IKBKB: variants seen among roughly 807,000 people sequenced by gnomAD.
IKBKB encodes the protein inhibitor of nuclear factor kappa B kinase subunit beta.
IKBKB carries 42 observed loss-of-function variants against 113.6 expected under a neutral mutation model. That is an observed-to-expected ratio of 0.37 (90% CI 0.29 to 0.48). IKBKB has a LOEUF of 0.48. Ranked by LOEUF, IKBKB falls within the 20% of genes least tolerant of loss-of-function variation. The pLI is 0.99. For synonymous variants in IKBKB, 296 were observed against 361.3 expected (o/e 0.82, Z 2.05); for missense variants, 673 against 939.7 (o/e 0.72, Z 3.71).
In IKBKB at chr8:42,316,919, C is replaced by T. The variant is rs1367693413; in HGVS notation, c.1125+15C>T. ...CAGACGGCAAGGTGAGCCCTGGCTT[C>T]GTACACACCATCCTGTTTACCTTGG... is the stretch of plus-strand genomic sequence containing the variant. On this transcript the variant is annotated intron_variant, in intron 11 of 21. Transcript: ENST00000520810. The surrounding 1 kb of genome is among the most constrained non-coding windows in gnomAD (Gnocchi z 4.5). 4.3e-6 allele frequency: 7 copies of T among 1,611,412 alleles called. No individual in the cohort carries two copies. The highest frequency in any genetic ancestry group is 1.7e-5 in the Admixed American group (1 of 59,882).
At chr8:42,295,242 C>T (rs1227452763) in intron 5 of IKBKB, among the ~76,000 whole-genome samples, 1 of 150,490 alleles carries the variant, frequency 6.6e-6, no homozygotes, top group Non-Finnish European at 1.5e-5. Flanking sequence ...CATGAGCCTC[C>T]TGAGTAGCTG....
intron 5 of IKBKB, among the ~76,000 whole-genome samples, chr8:42,303,120 T>TGA (rs1021302959): frequency 0.015 from 936 of 63,748 alleles, 5 homozygotes; most frequent in Non-Finnish European, 0.021. Flanking sequence ...AGAGAGAGAA[T>TGA]GAGAGAGAGA....
chr8:42,303,054 CGA>C (rs1203789519), intron 5 of IKBKB, among the ~76,000 whole-genome samples: 2 of 116,232 alleles, frequency 1.7e-5, no homozygotes, highest in Non-Finnish European at 3.4e-5. Flanking sequence ...CCCGGCTTGC[CGA>C]GAGGGAGAGA....
chr8:42,322,011 T>A, intron 17 of IKBKB, 43 bp from the exon 18 acceptor site: 5 of 1,607,580 alleles, frequency 3.1e-6, no homozygotes, highest in Non-Finnish European at 3.4e-6. Context: ...CACTACTCTC[T>A]GCTGGCTTCC....
rs112934197 is a variant in IKBKB at position 42,297,010 on chromosome 8, C to G, written c.388+3498C>G. ...TTTGGCCTCTCCTTTTGGAAACCTT[C>G]AGTGCCTTCTTTAGGGCATGACCTG... On this transcript the variant is annotated intron_variant, in intron 5 of 21. Transcript: ENST00000520810. 2.4e-3 allele frequency among the ~76,000 whole-genome samples: 361 copies of G among 152,332 alleles called. 5 individuals carry two copies. The Middle Eastern group carries it at 0.024, about 10-fold the overall frequency.
Position 42,316,589 on chromosome 8 carries a change from G to A in IKBKB, c.931-121G>A. 1 of 1,017,786 alleles carries A rather than the reference G, an allele frequency of 9.8e-7. No homozygotes were observed. Among genetic ancestry groups the A allele is most frequent in the East Asian group, 2.6e-5 (1 of 38,428 alleles). 63.0% of individuals were successfully genotyped at this position (1,017,786 alleles called of 1,614,324 possible). On this transcript the variant is annotated intron_variant, in intron 10 of 21. Transcript: ENST00000520810. The surrounding 1 kb of genome is among the most constrained non-coding windows in gnomAD (Gnocchi z 4.5). ...ATGGCACATGACCTCCCTCCCTCAA[G>A]CTAGGCCCTTGCTTTGTGTGGTTGG...
At chr8:42,293,700 A>G in intron 5 of IKBKB, 188 bp downstream of exon 5, 1 of 818,570 alleles carries the variant, frequency 1.2e-6, no homozygotes, top group Non-Finnish European at 1.9e-6. Flanking sequence ...ACAGATGCTG[A>G]ACTCAAATAG....
intron 8 of IKBKB, among the ~76,000 whole-genome samples, chr8:42,310,833 T>G (rs1409697126): frequency 6.6e-6 from 1 of 152,238 alleles, no homozygotes; most frequent in East Asian, 1.9e-4. Flanking sequence ...CCTTTCAAAC[T>G]AGATATCAAA....
intron 19 of IKBKB, among the ~76,000 whole-genome samples, chr8:42,323,035 C>T (rs1262560446): frequency 6.6e-6 from 1 of 152,232 alleles, no homozygotes; most frequent in Non-Finnish European, 1.5e-5. Context: ...CTTCCAGCTC[C>T]TGGTGGTTCC....
At chr8:42,305,568 A>G (rs1816339076) in intron 6 of IKBKB, among the ~76,000 whole-genome samples, 1 of 150,356 alleles carries the variant, frequency 6.7e-6, no homozygotes, top group Non-Finnish European at 1.5e-5. Context: ...GCTTCTTGGA[A>G]GTCGACTTTT....
intron 5 of IKBKB, among the ~76,000 whole-genome samples, chr8:42,301,792 A>G (rs767703993): frequency 3.3e-5 from 5 of 152,094 alleles, no homozygotes; most frequent in Non-Finnish European, 4.4e-5. Flanking sequence ...TGGCGTAGAG[A>G]GCGGTGCCTT....
rs148557746 is a variant in IKBKB, at chr8:42,321,655, G to A, written c.1689-241G>A. On this transcript the variant is annotated intron_variant, in intron 16 of 21. Transcript: ENST00000520810. ...TCCCATCTCAGCCTCCCAAGTAACCGGGACTACAGGCGCATGCCACCATGC... is the reference window on the plus strand; with the variant it reads ...TCCCATCTCAGCCTCCCAAGTAACCAGGACTACAGGCGCATGCCACCATGC... 438 of 439,456 alleles carry A rather than the reference G, an allele frequency of 1.0e-3. 4 individuals carry two copies. The highest frequency in any genetic ancestry group is 7.8e-3 in the African/African-American group (394 of 50,702). The allele number at this position is 439,456 out of a possible 1,614,324, so 27.2% of individuals were successfully genotyped here.
At chr8:42,324,592 T>C (rs746897350) in intron 19 of IKBKB, 169 of 152,452 alleles carry the variant, frequency 1.1e-3, no homozygotes, top group Non-Finnish European at 1.9e-3. Flanking sequence ...ACAGGACACA[T>C]GGCAGTATCT....
chr8:42,329,436 C>G (rs1418086938), intron 21 of IKBKB: 1 of 894,094 alleles, frequency 1.1e-6, no homozygotes, highest in African/African-American at 1.8e-5. Context: ...GATTCTCATG[C>G]CTCAGCCTCC....
Position 42,309,045 on chromosome 8 carries a change from C to A in IKBKB, c.692+20C>A, listed in dbSNP as rs1339471372. 1 of 1,609,990 alleles carries A rather than the reference C, an allele frequency of 6.2e-7. No homozygotes were observed. The highest frequency in any genetic ancestry group is 1.7e-5 in the Admixed American group (1 of 59,620). Reference sequence around the variant, plus strand: ...GCAGTGGTGAGTGGGCCCGGGGCACCTGGATGGAGGAGGGAGCCTGTCTGT... The same window carrying A: ...GCAGTGGTGAGTGGGCCCGGGGCACATGGATGGAGGAGGGAGCCTGTCTGT... On this transcript the variant is annotated intron_variant, in intron 8 of 21. Coordinates refer to ENST00000520810, the MANE Select transcript of IKBKB (RefSeq NM_001556.3).
intron 4 of IKBKB, among the ~76,000 whole-genome samples, chr8:42,291,824 T>C (rs1189210119): frequency 3.9e-5 from 6 of 152,024 alleles, no homozygotes; most frequent in Admixed American, 3.9e-4. Flanking sequence ...CCCTACTACT[T>C]TGGAGGCTGG....
At chr8:42,301,926 A>T (rs893184733) in intron 5 of IKBKB, among the ~76,000 whole-genome samples, 1 of 152,216 alleles carries the variant, frequency 6.6e-6, no homozygotes, top group African/African-American at 2.4e-5. Context: ...CAGTCTGGGC[A>T]TGTGTACTTG....
intron 16 of IKBKB, chr8:42,321,147 C>A (rs1266606421): frequency 8.1e-6 from 2 of 246,414 alleles, no homozygotes; most frequent in Non-Finnish European, 7.8e-6. Flanking sequence ...GCAGACTCCC[C>A]TGATTTGTTC....
In IKBKB at chr8:42,271,342, G is replaced by A. The variant is rs758421950; in HGVS notation, c.-146G>A. 8 of 1,249,882 alleles carry A rather than the reference G, an allele frequency of 6.4e-6. No individual in the cohort carries two copies. The highest frequency in any genetic ancestry group is 2.0e-5 in the Admixed American group (1 of 50,568). The allele number at this position is 1,249,882 out of a possible 1,614,324, so 77.4% of individuals were successfully genotyped here. ...GAAGTGTTTGAGGAAGTCGCGCCGC[G>A]CTGCCCGCGTTAAGATTCCCGCATT... On this transcript the variant is annotated 5_prime_UTR_variant, in exon 1 of 22. Transcript: ENST00000520810.
Sources: gnomAD v4.1 joint callset for allele counts (sites outside exome capture counted in the v4.1 genomes callset) on GRCh38, gnomAD v4.1.1 for gene constraint, Gnocchi (gnomAD v3.1) non-coding constraint, MANE v1.5 for transcripts, NCBI Gene and HGNC (gene_info 2026-07-23, HGNC 2026-07-21) for gene names.